Variants in PPFIA2 observed in about 807,000 individuals in gnomAD.
PPFIA2 encodes liprin-alpha-2.
A neutral mutation model predicts 175.5 loss-of-function variants in PPFIA2; 46 were observed. The observed-to-expected ratio is 0.26, with a 90% CI of 0.21 to 0.34. The LOEUF is 0.34. Among genes scored for constraint, PPFIA2 ranks in the 10% least tolerant of loss-of-function variants. The pLI, the probability that PPFIA2 is intolerant of heterozygous loss-of-function variation, is 1.00. For missense variants in PPFIA2, 1,179 were observed against 1,506.1 expected (o/e 0.78, Z 3.60); for synonymous variants, 568 against 511.4 (o/e 1.11, Z -1.49).
At chr12:81,362,862 T>C (rs1477447284) in intron 14 of PPFIA2, 78 bp from the exon 15 acceptor site, 1 of 879,486 alleles carries the variant, frequency 1.1e-6, no homozygotes, top group East Asian at 2.7e-5. Flanking sequence ...TAATGATTTT[T>C]TTTAAAAAGG....
chr12:81,579,563 T>C (rs2074094839), intron 4 of PPFIA2, among the ~76,000 whole-genome samples: 1 of 151,804 alleles, frequency 6.6e-6, no homozygotes, highest in Non-Finnish European at 1.5e-5. Context: ...ACAATTTAAT[T>C]AGCTTATTTT....
At chr12:81,727,957 T>A (rs578246761) in intron 3 of PPFIA2, among the ~76,000 whole-genome samples, 13 of 151,490 alleles carry the variant, frequency 8.6e-5, no homozygotes, top group Non-Finnish European at 1.8e-4. Flanking sequence ...TATAAGGTTC[T>A]ATCAGATAGT....
At chr12:81,667,715 C>T (rs1446579551) in intron 4 of PPFIA2, among the ~76,000 whole-genome samples, 1 of 151,982 alleles carries the variant, frequency 6.6e-6, no homozygotes. Flanking sequence ...CATAACTTTC[C>T]AGTCACTTAG....
intron 2 of PPFIA2, among the ~76,000 whole-genome samples, chr12:81,754,662 C>T (rs2084364094): frequency 6.6e-6 from 1 of 152,158 alleles, no homozygotes; most frequent in Admixed American, 6.5e-5. Context: ...CAGTGTCTGG[C>T]ATTTAACGGG....
At chr12:81,745,041 C>T (rs1018638675) in intron 3 of PPFIA2, among the ~76,000 whole-genome samples, 18 of 152,122 alleles carry the variant, frequency 1.2e-4, no homozygotes, top group African/African-American at 4.3e-4. Flanking sequence ...ATTTAGTAAC[C>T]ATTTTATCTC....
At chr12:81,333,142 C>T (rs796882819) in intron 21 of PPFIA2, among the ~76,000 whole-genome samples, 121 of 152,240 alleles carry the variant, frequency 7.9e-4, no homozygotes, top group African/African-American at 2.5e-3. Context: ...AGCTTTTGCT[C>T]GGCAATTTCC....
chr12:81,698,517 T>C (rs2153598405), intron 3 of PPFIA2, among the ~76,000 whole-genome samples: 1 of 152,236 alleles, frequency 6.6e-6, no homozygotes, highest in South Asian at 2.1e-4. Flanking sequence ...AATTAGCCTG[T>C]GTTATGCTGT....
At chr12:81,653,500 G>A (rs1415023230) in intron 4 of PPFIA2, among the ~76,000 whole-genome samples, 1 of 151,978 alleles carries the variant, frequency 6.6e-6, no homozygotes, top group Non-Finnish European at 1.5e-5. Flanking sequence ...CCCAGATTCT[G>A]GTGGTTGTTA....
At chr12:81,642,940 GTAA>G (rs1293639189) in intron 4 of PPFIA2, among the ~76,000 whole-genome samples, 3 of 138,776 alleles carry the variant, frequency 2.2e-5, no homozygotes, top group Non-Finnish European at 4.6e-5. Flanking sequence ...TATAACATAT[GTAA>G]TAATATATGT....
At chr12:81,589,870 T>C (rs1922397) in intron 4 of PPFIA2, among the ~76,000 whole-genome samples, 132,133 of 152,016 alleles carry the variant, frequency 0.87, 57,567 homozygotes, top group East Asian at 0.96. Context: ...ACCAAGGAAA[T>C]ATCCAGTATT....
At chr12:81,408,060 G>A (rs1297865701) in intron 7 of PPFIA2, among the ~76,000 whole-genome samples, 1 of 151,962 alleles carries the variant, frequency 6.6e-6, no homozygotes, top group Non-Finnish European at 1.5e-5. Flanking sequence ...ATGGATATGG[G>A]AAAACAAAGA....
intron 21 of PPFIA2, among the ~76,000 whole-genome samples, chr12:81,330,326 T>C (rs2055851779): frequency 6.6e-6 from 1 of 152,202 alleles, no homozygotes; most frequent in Admixed American, 6.5e-5. Context: ...GTGGCACGCT[T>C]GTTATTAATT....
intron 28 of PPFIA2, among the ~76,000 whole-genome samples, chr12:81,272,047 T>C (rs767565834): frequency 1.3e-5 from 2 of 152,192 alleles, no homozygotes; most frequent in African/African-American, 2.4e-5. Context: ...AATAATTCCA[T>C]TTTCCTCTAG....
chr12:81,389,085 T>G (rs2142158129), intron 8 of PPFIA2, among the ~76,000 whole-genome samples: 1 of 151,004 alleles, frequency 6.6e-6, no homozygotes, highest in African/African-American at 2.4e-5. Flanking sequence ...TGACTAGTTT[T>G]ATGCACTGAG....
At chr12:81,406,848 G>A (rs2043025773) in intron 7 of PPFIA2, among the ~76,000 whole-genome samples, 1 of 152,064 alleles carries the variant, frequency 6.6e-6, no homozygotes, top group Non-Finnish European at 1.5e-5. Flanking sequence ...AAACTTACAT[G>A]TGGAAATTAC....
intron 17 of PPFIA2, among the ~76,000 whole-genome samples, chr12:81,348,688 A>G (rs2059491774): frequency 6.6e-6 from 1 of 152,174 alleles, no homozygotes; most frequent in Non-Finnish European, 1.5e-5. Context: ...GTGAGCCGAG[A>G]TAGCGCCACT....
At chr12:81,572,249 T>C (rs1399844741) in intron 4 of PPFIA2, among the ~76,000 whole-genome samples, 3 of 151,974 alleles carry the variant, frequency 2.0e-5, no homozygotes, top group Non-Finnish European at 4.4e-5. Flanking sequence ...CATGTCCTCA[T>C]CTCCTTCAGG....
intron 7 of PPFIA2, among the ~76,000 whole-genome samples, chr12:81,437,355 A>G (rs1048679066): frequency 2.0e-5 from 3 of 151,898 alleles, no homozygotes; most frequent in Non-Finnish European, 4.4e-5. Flanking sequence ...TCAGCCTCCC[A>G]AGTAGCTGGG....
At chr12:81,516,846 C>A (rs1288535332) in intron 4 of PPFIA2, among the ~76,000 whole-genome samples, 1 of 152,124 alleles carries the variant, frequency 6.6e-6, no homozygotes, top group African/African-American at 2.4e-5. Context: ...TAAATGTGCC[C>A]ATTCTTATGT....
Sources: gnomAD v4.1 joint callset for allele counts (sites outside exome capture counted in the v4.1 genomes callset) on GRCh38, gnomAD v4.1.1 for gene constraint, MANE v1.5 for transcripts, NCBI Gene and HGNC (gene_info 2026-07-23, HGNC 2026-07-21) for gene names.